Variants in SMC4 observed in about 807,000 individuals in gnomAD.
The protein encoded by SMC4 is structural maintenance of chromosomes protein 4.
In SMC4, 87 loss-of-function variants were observed where a neutral mutation model predicts 145.6. That is an observed-to-expected ratio of 0.60 (90% CI 0.50 to 0.71). The LOEUF (loss-of-function observed/expected upper bound fraction) is 0.71. SMC4 is among the 30% of genes least tolerant of loss of function. The pLI is 0.00. For missense variants in SMC4, 1,447 were observed against 1,537.1 expected (o/e 0.94, Z 0.98); for synonymous variants, 558 against 500.7 (o/e 1.11, Z -1.53).
Position 160,420,751 on chromosome 3 carries a change from A to G in SMC4, c.1869A>G (p.Gly623=), listed in dbSNP as rs1298535851. Residue 623 remains glycine (G), a synonymous_variant, in exon 13 of 24, where the codon GGA becomes GGG. Transcript: ENST00000357388. ...CTCTTCATTATTAGGGGGACTTAGG[A>G]GCCATTGATGAAAAATACGACGTGG... The part of the protein sequence containing the change: ...PGIYGRLGDL[G]AIDEKYDVAI... 1.2e-6 allele frequency: 2 copies of G among 1,613,694 alleles called. No homozygotes were observed. The highest frequency in any genetic ancestry group is 8.5e-7 in the Non-Finnish European group (1 of 1,179,890).
chr3:160,410,348 G>A (rs1312006503), intron 5 of SMC4, among the ~76,000 whole-genome samples: 4 of 152,094 alleles, frequency 2.6e-5, no homozygotes, highest in Admixed American at 6.6e-5. Flanking sequence ...TAAACCCTAC[G>A]TAGATACAAA....
At chr3:160,431,279 TA>T in intron 20 of SMC4, 74 bp downstream of exon 20, 2 of 1,296,036 alleles carry the variant, frequency 1.5e-6, no homozygotes, top group Non-Finnish European at 2.1e-6. Flanking sequence ...AGGATTGTTT[TA>T]GGGGGTTGGG....
intron 11 of SMC4, among the ~76,000 whole-genome samples, chr3:160,418,173 C>A (rs939570462): frequency 1.3e-5 from 2 of 152,058 alleles, no homozygotes; most frequent in African/African-American, 4.8e-5. Context: ...GTAAGTAAAT[C>A]ACCACCACCA....
Position 160,431,627 on chromosome 3 carries a change from TA to T in SMC4, c.3115-13del, listed in dbSNP as rs1467220755. 2 of 1,560,050 alleles carry T rather than the reference TA, an allele frequency of 1.3e-6. No individual in the cohort carries two copies. Among genetic ancestry groups the T allele is most frequent in the Non-Finnish European group, 1.7e-6 (2 of 1,157,840 alleles). ...TATTATGCCTTCTCTAACTCTCCCC[TA>T]AATTGAACTTTTAGATTTCAAAAAT... On this transcript the variant is annotated splice_polypyrimidine_tract_variant and intron_variant, in intron 20 of 23. Coordinates refer to ENST00000357388, the MANE Select transcript of SMC4 (RefSeq NM_001002800.3).
intron 16 of SMC4, among the ~76,000 whole-genome samples, 170 bp from the exon 17 acceptor site, chr3:160,425,904 T>C (rs534378788): frequency 2.2e-4 from 34 of 152,240 alleles, no homozygotes; most frequent in Non-Finnish European, 3.5e-4. Flanking sequence ...TGAGCTTACA[T>C]ATTTTGTGTT....
At chr3:160,414,737 A>G (rs1716406880) in intron 9 of SMC4, among the ~76,000 whole-genome samples, 1 of 152,040 alleles carries the variant, frequency 6.6e-6, no homozygotes, top group Admixed American at 6.5e-5. Flanking sequence ...TTTTGCAGAG[A>G]TGGGGTCTCA....
chr3:160,400,235 C>T (rs1166347535), intron 1 of SMC4: 1 of 152,332 alleles, frequency 6.6e-6, no homozygotes. Flanking sequence ...AGCCTTCGCC[C>T]TTCGCGGTCC....
chr3:160,409,853 G>C (rs912850817), intron 5 of SMC4, among the ~76,000 whole-genome samples: 4 of 152,168 alleles, frequency 2.6e-5, no homozygotes, highest in African/African-American at 7.2e-5. Flanking sequence ...GATCGCTTGA[G>C]CCCAGGAGTT....
At position 160,408,164 on chromosome 3, in the gene SMC4, AAAAAT is replaced by A. The variant is rs141159339; in HGVS notation, c.687+3664_687+3668del. Among the ~76,000 whole-genome samples the A allele has an allele frequency of 3.1e-3, 479 of 152,348 alleles. 5 individuals are homozygous for A. The highest frequency in any genetic ancestry group is 0.011 in the African/African-American group (464 of 41,584). ...ACCCTCCTTCATAGTAATTACAAGT[AAAAAT>A]AAAGAGAAGAATAATTGAGGCCTTA... On this transcript the variant is annotated intron_variant, in intron 5 of 23. Coordinates refer to ENST00000357388, the MANE Select transcript of SMC4 (RefSeq NM_001002800.3).
At position 160,432,231 on chromosome 3, in the gene SMC4, TATC is replaced by T. The variant is rs564374966; in HGVS notation, c.3298-49_3298-47del. ...CAAAGTAATAATTAACAATGCTAAT[TATC>T]ATATCAAATTTATCTGAATAGATTT... On this transcript the variant is annotated intron_variant, in intron 21 of 23. Coordinates refer to ENST00000357388, the MANE Select transcript of SMC4 (RefSeq NM_001002800.3). The T allele has an allele frequency of 1.1e-4, 140 of 1,316,612 alleles. 1 individual carries two copies. The South Asian group carries it at 1.8e-3, about 17-fold the overall frequency. The allele number at this position is 1,316,612 out of a possible 1,614,324, so 81.6% of individuals were successfully genotyped here.
chr3:160,431,904 A>G, intron 21 of SMC4, 79 bp downstream of exon 21: 3 of 1,435,940 alleles, frequency 2.1e-6, no homozygotes, highest in Middle Eastern at 3.5e-4. Flanking sequence ...AGTTTTGTAT[A>G]ATTAACAATG....
chr3:160,413,636 TA>T (rs1286550840), intron 8 of SMC4, 23 bp downstream of exon 8: 5 of 1,197,500 alleles, frequency 4.2e-6, no homozygotes, highest in Non-Finnish European at 5.9e-6. Context: ...TGGGAAGTAC[TA>T]AAAGTATTTA....
At chr3:160,416,496 A>C in intron 10 of SMC4, 81 bp downstream of exon 10, 1 of 880,900 alleles carries the variant, frequency 1.1e-6, no homozygotes, top group Non-Finnish European at 1.7e-6. Flanking sequence ...AAAAATACTG[A>C]AACCTGAACT....
At chr3:160,425,798 AAAT>A (rs1346521154) in intron 16 of SMC4, among the ~76,000 whole-genome samples, 1 of 152,224 alleles carries the variant, frequency 6.6e-6, no homozygotes, top group Non-Finnish European at 1.5e-5. Context: ...CAGCATATTC[AAAT>A]AATTATTTTT....
intron 5 of SMC4, among the ~76,000 whole-genome samples, chr3:160,410,098 C>T (rs1452906199): frequency 2.0e-5 from 3 of 152,200 alleles, no homozygotes; most frequent in South Asian, 2.1e-4. Flanking sequence ...AATGAGTGAA[C>T]AAACAAACTG....
intron 5 of SMC4, among the ~76,000 whole-genome samples, chr3:160,409,734 T>G (rs1029309979): frequency 2.6e-5 from 4 of 152,206 alleles, no homozygotes; most frequent in Non-Finnish European, 5.9e-5. Flanking sequence ...AGATATTGTT[T>G]TTTATTTGGA....
Position 160,424,928 on chromosome 3 carries a change from A to G in SMC4, c.2387A>G (p.Gln796Arg). ...DSKKAMQIQE[Q>R]KVQLEERVVK... ...AAAAAAGCAATGCAAATCCAAGAAC[A>G]GAAAGTACAACTTGAAGAAAGAGTA... The change falls in exon 16 of 24, where the codon CAG (glutamine) becomes CGG (arginine). Residue 796 changes from glutamine to arginine, a missense_variant. Transcript: ENST00000357388. 2 of 1,614,148 alleles carry G rather than the reference A, an allele frequency of 1.2e-6. No homozygotes were observed. Among genetic ancestry groups the G allele is most frequent in the Admixed American group, 1.7e-5 (1 of 60,020 alleles).
intron 19 of SMC4, 33 bp from the exon 20 acceptor site, chr3:160,430,999 A>G: frequency 6.4e-7 from 1 of 1,568,924 alleles, no homozygotes; most frequent in Non-Finnish European, 8.6e-7. Context: ...TCTATTTGGA[A>G]AATTCTATCT....
At chr3:160,433,522 T>C (rs1718651514) in intron 23 of SMC4, 135 bp from the exon 24 acceptor site, 1 of 602,410 alleles carries the variant, frequency 1.7e-6, no homozygotes, top group Non-Finnish European at 2.8e-6. Context: ...AATACTGTTT[T>C]ATGAATTATT....
Sources: allele counts gnomAD v4.1 joint callset (sites outside exome capture counted in the v4.1 genomes callset), GRCh38; gene constraint gnomAD v4.1.1; transcripts MANE v1.5; gene names NCBI Gene and HGNC (gene_info 2026-07-23, HGNC 2026-07-21).